HS3ST4: variants seen among roughly 807,000 people sequenced by gnomAD.
The protein encoded by HS3ST4 is heparan sulfate glucosamine 3-O-sulfotransferase 4.
In HS3ST4, 17 loss-of-function variants were observed where a neutral mutation model predicts 29.2. The observed-to-expected ratio is 0.58, with a 90% CI of 0.40 to 0.87. HS3ST4 has a LOEUF of 0.87. Among genes scored for constraint, HS3ST4 ranks in the 40% least tolerant of loss-of-function variants. The pLI is 0.00. For missense variants in HS3ST4, 627 were observed against 634.5 expected (o/e 0.99, Z 0.13); for synonymous variants, 314 against 285.7 (o/e 1.10, Z -1.00).
At chr16:25,807,737 A>G (rs1341821964) in intron 1 of HS3ST4, among the ~76,000 whole-genome samples, 4 of 152,196 alleles carry the variant, frequency 2.6e-5, no homozygotes, top group African/African-American at 9.6e-5. Context: ...CATTTCCAGA[A>G]TGGTGGTACC....
At chr16:25,889,834 C>T (rs1027837926) in intron 1 of HS3ST4, among the ~76,000 whole-genome samples, 3 of 152,024 alleles carry the variant, frequency 2.0e-5, no homozygotes, top group African/African-American at 7.2e-5. Context: ...TGGGGTTTTC[C>T]TGTGCTGTTC....
chr16:25,712,719 T>G (rs550343692), intron 1 of HS3ST4, among the ~76,000 whole-genome samples: 1 of 152,158 alleles, frequency 6.6e-6, no homozygotes, highest in African/African-American at 2.4e-5. Context: ...AGGGAAAGAT[T>G]GATGGATTTG....
Position 25,758,126 on chromosome 16 carries a change from C to T in HS3ST4, c.734+64975C>T, listed in dbSNP as rs925546634. Among the ~76,000 whole-genome samples the T allele has an allele frequency of 2.0e-5, 3 of 152,222 alleles. 1 individual carries two copies. Among genetic ancestry groups the T allele is most frequent in the Middle Eastern group, 6.8e-3 (2 of 294 alleles). Reference sequence around the variant, plus strand: ...CTTGGTTACCCCTGTTCTCCATTTCCCCTAATTCTCTCCACCCTCAAACGG... The same window carrying T: ...CTTGGTTACCCCTGTTCTCCATTTCTCCTAATTCTCTCCACCCTCAAACGG... On this transcript the variant is annotated intron_variant, in intron 1 of 1. Transcript: ENST00000331351.
chr16:25,709,086 CT>C lies in HS3ST4; in HGVS notation c.734+15949del, dbSNP rs75953326. The stretch of plus-strand genomic sequence containing the variant: ...GAGAAGTCCCAGGAATTGGGGATAT[CT>C]TTTTTTTTTTTTTGGCTTAATTAGT... On this transcript the variant is annotated intron_variant, in intron 1 of 1. Transcript: ENST00000331351. Among the ~76,000 whole-genome samples, 1,247 of 142,044 alleles carry C rather than the reference CT, an allele frequency of 8.8e-3. 1 individual carries two copies. Among genetic ancestry groups the C allele is most frequent in the Non-Finnish European group, 9.0e-3 (583 of 64,508 alleles). The allele number at this position is 142,044 out of a possible 152,430, so 93.2% of individuals were successfully genotyped here. A position where few individuals can be genotyped will look rare whatever the true frequency, so the allele number is the denominator to read the frequency against.
At chr16:25,758,817 G>A (rs781222897) in intron 1 of HS3ST4, among the ~76,000 whole-genome samples, 7 of 151,880 alleles carry the variant, frequency 4.6e-5, no homozygotes, top group East Asian at 3.9e-4. Flanking sequence ...TTAGCCGGGC[G>A]TGGTGGTGCA....
In HS3ST4 at chr16:26,048,844, A is replaced by T. The variant is rs980372520; in HGVS notation, c.735-86768A>T. Among the ~76,000 whole-genome samples, 3 of 152,232 alleles carry T rather than the reference A, an allele frequency of 2.0e-5. No individual in the cohort carries two copies. In the East Asian group the frequency reaches 5.8e-4, roughly 29 times the overall value. ...CGAGACCCTGTCTAAAAAGTAAAAAAATAACATTGAATCTCGCAGCAAGAA... is the reference window on the plus strand; with the variant it reads ...CGAGACCCTGTCTAAAAAGTAAAAATATAACATTGAATCTCGCAGCAAGAA... On this transcript the variant is annotated intron_variant, in intron 1 of 1. Coordinates refer to ENST00000331351, the MANE Select transcript of HS3ST4 (RefSeq NM_006040.3).
intron 1 of HS3ST4, among the ~76,000 whole-genome samples, chr16:25,878,449 T>C (rs1230286988): frequency 6.6e-6 from 1 of 152,142 alleles, no homozygotes; most frequent in Non-Finnish European, 1.5e-5. Context: ...TACCCAAACT[T>C]ACAATGAAAA....
At chr16:26,010,374 A>G (rs1286208239) in intron 1 of HS3ST4, among the ~76,000 whole-genome samples, 4 of 152,256 alleles carry the variant, frequency 2.6e-5, no homozygotes, top group Admixed American at 2.6e-4. Flanking sequence ...GAATGGCTTG[A>G]ACCCTGGAGG....
chr16:25,715,186 G>T (rs1490582485), intron 1 of HS3ST4, among the ~76,000 whole-genome samples: 3 of 151,806 alleles, frequency 2.0e-5, no homozygotes, highest in Admixed American at 1.3e-4. Flanking sequence ...GCCGGGCGCG[G>T]TGGCGGGCGC....
chr16:25,928,366 A>G (rs200987591), intron 1 of HS3ST4, among the ~76,000 whole-genome samples: 22 of 142,608 alleles, frequency 1.5e-4, no homozygotes, highest in East Asian at 5.9e-4. Context: ...CCCCATCTCT[A>G]TTAAAAAATA....
rs527954613 is a variant in HS3ST4, at chr16:25,803,388, G to A, written c.734+110237G>A. Among the ~76,000 whole-genome samples the A allele has an allele frequency of 1.4e-3, 220 of 152,282 alleles. 1 individual carries two copies. Among genetic ancestry groups the A allele is most frequent in the Non-Finnish European group, 2.5e-3 (168 of 68,024 alleles). ...TCTCATCATTCATAAACATGGTGGA[G>A]CAGACATTTCTTGAGCACTTGTTCT... is the stretch of plus-strand genomic sequence containing the variant. On this transcript the variant is annotated intron_variant, in intron 1 of 1. Transcript: ENST00000331351.
At chr16:25,910,721 G>A (rs754655086) in intron 1 of HS3ST4, among the ~76,000 whole-genome samples, 1 of 152,022 alleles carries the variant, frequency 6.6e-6, no homozygotes, top group Non-Finnish European at 1.5e-5. Context: ...AATGGGTGTG[G>A]CCATTTTCCA....
rs114696493 is a variant in HS3ST4 at position 25,944,516 on chromosome 16, T to C, written c.735-191096T>C. 2.7e-3 allele frequency among the ~76,000 whole-genome samples: 413 copies of C among 152,342 alleles called. 1 individual carries two copies. Among genetic ancestry groups the C allele is most frequent in the African/African-American group, 9.6e-3 (401 of 41,588 alleles). ...ACAATTTTAATGTTTGTTAATGATA[T>C]TGTAATGAGCTGGGTTAAGTTAAGG... On this transcript the variant is annotated intron_variant, in intron 1 of 1. Coordinates refer to ENST00000331351, the MANE Select transcript of HS3ST4 (RefSeq NM_006040.3).
chr16:25,936,412 G>A (rs533343428), intron 1 of HS3ST4, among the ~76,000 whole-genome samples: 1 of 152,322 alleles, frequency 6.6e-6, no homozygotes, highest in South Asian at 2.1e-4. Context: ...ACACCAGTAA[G>A]TTGACATTTA....
At chr16:25,993,925 A>G (rs1567289506) in intron 1 of HS3ST4, among the ~76,000 whole-genome samples, 1 of 145,184 alleles carries the variant, frequency 6.9e-6, no homozygotes, top group Non-Finnish European at 1.5e-5. Flanking sequence ...GACTGCTTCC[A>G]TCTTGCCTAT....
At chr16:26,078,342 G>T (rs1274186573) in intron 1 of HS3ST4, among the ~76,000 whole-genome samples, 3 of 152,082 alleles carry the variant, frequency 2.0e-5, no homozygotes, top group Non-Finnish European at 4.4e-5. Flanking sequence ...TAGAGACAGG[G>T]TTTTACCATG....
intron 1 of HS3ST4, among the ~76,000 whole-genome samples, chr16:26,001,169 A>G (rs1969208612): frequency 6.6e-6 from 1 of 152,182 alleles, no homozygotes; most frequent in Non-Finnish European, 1.5e-5. Context: ...TGGACAGTAA[A>G]TTAGACAAAA....
chr16:25,872,670 C>T (rs1447051739), intron 1 of HS3ST4, among the ~76,000 whole-genome samples: 8 of 152,234 alleles, frequency 5.3e-5, no homozygotes, highest in Admixed American at 4.6e-4. Context: ...CACTTTTCAG[C>T]TTCTGCTGGA....
chr16:25,778,150 A>ATT (rs71385570), intron 1 of HS3ST4, among the ~76,000 whole-genome samples: 146 of 151,984 alleles, frequency 9.6e-4, no homozygotes, highest in South Asian at 1.7e-3. Context: ...ATATATATAT[A>ATT]TTTTTTCTAC....
Sources: gnomAD v4.1 joint callset for allele counts (sites outside exome capture counted in the v4.1 genomes callset) on GRCh38, gnomAD v4.1.1 for gene constraint, MANE v1.5 for transcripts, NCBI Gene and HGNC (gene_info 2026-07-23, HGNC 2026-07-21) for gene names.